RNF31: variants seen among roughly 807,000 people sequenced by gnomAD.
RNF31 encodes the protein E3 ubiquitin-protein ligase RNF31.
RNF31 carries 38 observed loss-of-function variants against 133.6 expected under a neutral mutation model. The observed-to-expected ratio is 0.28, with a 90% CI of 0.22 to 0.37. The LOEUF is 0.37. RNF31 is among the 10% of genes least tolerant of loss of function. The pLI is 1.00. For missense variants in RNF31, 1,118 were observed against 1,394.1 expected, an observed-to-expected ratio of 0.80 and a Z score of 3.15; for synonymous variants, 582 against 552.3, an observed-to-expected ratio of 1.05 and a Z score of -0.75.
chr14:24,150,762 G>A lies in RNF31; in HGVS notation c.1362G>A (p.Lys454=), dbSNP rs757633078. 6.2e-7 allele frequency: 1 copy of A among 1,612,208 alleles called. No homozygotes were observed. The highest frequency in any genetic ancestry group is 8.5e-7 in the Non-Finnish European group (1 of 1,179,304). ...APRPYASSLE[K]GPPKPGPPRR... ...GGCCCTATGCCAGCTCTTTGGAAAA[G>A]GGACCCCCCAAGCCTGGGCCCCCAC... The change falls in exon 8 of 21, where the codon AAG becomes AAA. Residue 454 remains lysine (K), a synonymous_variant. Coordinates refer to ENST00000324103, the MANE Select transcript of RNF31 (RefSeq NM_017999.5).
Position 24,151,430 on chromosome 14 carries a change from AC to A in RNF31, c.1737+52del. ...AGGGTCGAGAGTCTGCATCTCTCAC[AC>A]TCTCCCTTGCTTGCTTTCCCACTTC... On this transcript the variant is annotated intron_variant, in intron 9 of 20. Transcript: ENST00000324103. The surrounding 1 kb of genome is among the most constrained non-coding windows in gnomAD (Gnocchi z 5.3). 6.2e-7 allele frequency: 1 copy of A among 1,612,306 alleles called. No individual in the cohort carries two copies. The highest frequency in any genetic ancestry group is 8.5e-7 in the Non-Finnish European group (1 of 1,178,938).
rs2038326326 is a variant in RNF31 at position 24,155,373 on chromosome 14, C to T, written c.2305-41C>T. ...GGACTCAGGTACCCTGAGCTTTGAA[C>T]AGGGACCCTCCCACCCACCACCTCT... On this transcript the variant is annotated intron_variant, in intron 12 of 20. Coordinates refer to ENST00000324103, the MANE Select transcript of RNF31 (RefSeq NM_017999.5). This position sits in a 1 kb window ranked among gnomAD's most constrained non-coding sequence, Gnocchi z 4.9. 6.2e-7 allele frequency: 1 copy of T among 1,614,100 alleles called. No homozygotes were observed. The highest frequency in any genetic ancestry group is 1.3e-5 in the African/African-American group (1 of 75,050).
chr14:24,159,395 AG>A (rs2038406565), intron 18 of RNF31, among the ~76,000 whole-genome samples: 1 of 148,608 alleles, frequency 6.7e-6, no homozygotes, highest in Non-Finnish European at 1.5e-5. Flanking sequence ...AATAGCCAGG[AG>A]TGGTGGTGGC....
chr14:24,155,005 G>T lies in RNF31; in HGVS notation c.2131-152G>T. Reference sequence around the variant, plus strand: ...CCGACTGTCTTCAGATGTTTACGTTGCCTGCCTGGCCCCTGCTGGCACTTG... The same window carrying T: ...CCGACTGTCTTCAGATGTTTACGTTTCCTGCCTGGCCCCTGCTGGCACTTG... On this transcript the variant is annotated intron_variant, in intron 11 of 20. Coordinates refer to ENST00000324103, the MANE Select transcript of RNF31 (RefSeq NM_017999.5). The surrounding 1 kb of genome is among the most constrained non-coding windows in gnomAD (Gnocchi z 4.9). 1 of 675,326 alleles carries T rather than the reference G, an allele frequency of 1.5e-6. No homozygotes were observed. The highest frequency in any genetic ancestry group is 2.5e-6 in the Non-Finnish European group (1 of 400,110). The allele number at this position is 675,326 out of a possible 1,614,324, so 41.8% of individuals were successfully genotyped here. A position where few individuals can be genotyped will look rare whatever the true frequency, so the allele number is the denominator to read the frequency against.
chr14:24,153,977 C>T (rs2038305448), intron 11 of RNF31, among the ~76,000 whole-genome samples: 1 of 152,144 alleles, frequency 6.6e-6, no homozygotes, highest in Non-Finnish European at 1.5e-5. Flanking sequence ...GTCCTGTGTA[C>T]TTTTCACTAA....
intron 11 of RNF31, among the ~76,000 whole-genome samples, chr14:24,152,579 C>CAA (rs57489653): frequency 0.31 from 47,696 of 151,800 alleles, 7,813 homozygotes; most frequent in Admixed American, 0.44. Context: ...CCACCACACT[C>CAA]GGCTAATTTT....
chr14:24,149,772 T>G (rs2038235116), intron 6 of RNF31, among the ~76,000 whole-genome samples, 189 bp downstream of exon 6: 1 of 152,200 alleles, frequency 6.6e-6, no homozygotes, highest in African/African-American at 2.4e-5. Flanking sequence ...GTTGTTATGG[T>G]AATAGGTGGT....
Position 24,158,127 on chromosome 14 carries a change from G to A in RNF31, c.2842-15G>A. 6.2e-7 allele frequency: 1 copy of A among 1,614,232 alleles called. No individual in the cohort carries two copies. Among genetic ancestry groups the A allele is most frequent in the Non-Finnish European group, 8.5e-7 (1 of 1,180,014 alleles). On this transcript the variant is annotated splice_polypyrimidine_tract_variant and intron_variant, in intron 17 of 20. Coordinates refer to ENST00000324103, the MANE Select transcript of RNF31 (RefSeq NM_017999.5). ...ATCAAGGGGAATGTAACACCCATCT[G>A]TCTCTCCTCCTCAGGACAATAACGT...
chr14:24,151,623 G>A lies in RNF31; in HGVS notation c.1876G>A (p.Asp626Asn), dbSNP rs1439063440. ...AGAGCCCTTCCGCCAGCGCCTCTGG[G>A]ACAGTGGCCCTGAGCCCACCCCTTC... Reference protein sequence around the residue: ...RLEPFRQRLWDSGPEPTPSWD... With the variant: ...RLEPFRQRLWNSGPEPTPSWD... Residue 626 changes from aspartate (D) to asparagine (N), a missense_variant, in exon 10 of 21, where the codon GAC (aspartate) becomes AAC (asparagine). Physicochemically the swap from Asp to Asn is conservative, Grantham distance 23. This residue lies in a region of RNF31 where 747 missense variants were observed against 827.9 expected (regional missense o/e 0.90). Transcript: ENST00000324103. The surrounding 1 kb of genome is among the most constrained non-coding windows in gnomAD (Gnocchi z 5.3). 2.5e-6 allele frequency: 4 copies of A among 1,613,232 alleles called. No homozygotes were observed. Among genetic ancestry groups the A allele is most frequent in the Non-Finnish European group, 2.5e-6 (3 of 1,180,022 alleles).
At chr14:24,154,147 A>G (rs1594379503) in intron 11 of RNF31, among the ~76,000 whole-genome samples, 2 of 151,290 alleles carry the variant, frequency 1.3e-5, no homozygotes, top group Middle Eastern at 7.0e-3. Context: ...GGCATCTGCA[A>G]TCATGCCCGG....
At position 24,147,731 on chromosome 14, in the gene RNF31, G is replaced by C; in HGVS notation, c.33G>C (p.Leu11=). 1 of 1,550,746 alleles carries C rather than the reference G, an allele frequency of 6.4e-7. No individual in the cohort carries two copies. The highest frequency in any genetic ancestry group is 1.9e-5 in the Admixed American group (1 of 51,340). ...GGGAGGAAGAGGAGCGGGCCTTCCT[G>C]GTGGCCCGCGAGGAGCTGGCGAGCG... is the stretch of plus-strand genomic sequence containing the variant. MPGEEEERAF[L]VAREELASAL... Residue 11 remains leucine, a synonymous_variant, in exon 1 of 21, where the codon CTG becomes CTC. Coordinates refer to ENST00000324103, the MANE Select transcript of RNF31 (RefSeq NM_017999.5).
chr14:24,156,229 C>CCACGTGAAG (rs1236531015), intron 14 of RNF31, among the ~76,000 whole-genome samples: 6 of 152,150 alleles, frequency 3.9e-5, no homozygotes, highest in Non-Finnish European at 7.3e-5. Context: ...GCCCTGGAGG[C>CCACGTGAAG]CACGTGAAGC....
chr14:24,154,104 C>T (rs1366847401), intron 11 of RNF31, among the ~76,000 whole-genome samples: 1 of 152,130 alleles, frequency 6.6e-6, no homozygotes, highest in Non-Finnish European at 1.5e-5. Context: ...AAGCGATTCT[C>T]CTGTCCCAGC....
upstream of RNF31, chr14:24,147,172 G>A (rs547499816): frequency 8.6e-5 from 14 of 162,098 alleles, no homozygotes; most frequent in South Asian, 2.2e-3. Flanking sequence ...CGGTTCCCCT[G>A]CAGGGTGGGA....
rs377298249 is a variant in RNF31, at chr14:24,160,290, C to T, written c.3048C>T (p.Asp1016=). The T allele has an allele frequency of 1.5e-4, 239 of 1,614,156 alleles. 1 individual carries two copies. The Middle Eastern group carries it at 8.7e-3, about 59-fold the overall frequency. The change falls in exon 20 of 21, where the codon GAC becomes GAT. Residue 1016 remains aspartate (D), a synonymous_variant. Transcript: ENST00000324103. The surrounding 1 kb of genome is among the most constrained non-coding windows in gnomAD (Gnocchi z 4.0). ...GCCTCATCAATGCCCACTCGCTGGA[C>T]CCAGCCACCTTGTATGAGGTGGAAG... is the stretch of plus-strand genomic sequence containing the variant. ...LVSLINAHSL[D]PATLYEVEEL...
At chr14:24,157,222 AG>A in intron 14 of RNF31, 67 bp from the exon 15 acceptor site, 1 of 1,187,896 alleles carries the variant, frequency 8.4e-7, no homozygotes, top group Non-Finnish European at 1.2e-6. Context: ...ATGTGAGTGG[AG>A]GGGCCAGCAA....
rs2139075322 is a variant in RNF31 at position 24,148,283 on chromosome 14, A to G, written c.365A>G (p.Tyr122Cys). 2.5e-6 allele frequency: 4 copies of G among 1,614,164 alleles called. No individual in the cohort carries two copies. The highest frequency in any genetic ancestry group is 3.4e-6 in the Non-Finnish European group (4 of 1,180,028). ...VQGGRDVLRL[Y>C]GYTEEQPDGL... ...GGGGGCCGAGATGTGCTGCGATTAT[A>G]TGGCTACACAGAGGAGCAACCAGAT... Residue 122 changes from tyrosine (Y) to cysteine (C), a missense_variant, in exon 3 of 21, where the codon TAT becomes TGT. This residue lies in a region of RNF31 where 747 missense variants were observed against 827.9 expected (regional missense o/e 0.90). Transcript: ENST00000324103.
chr14:24,155,075 A>T lies in RNF31; in HGVS notation c.2131-82A>T. ...GTTGTTAATTAGACCCTGATTTCTT[A>T]GTGGACACCTGGCCACTGCCTCTTC... On this transcript the variant is annotated intron_variant, in intron 11 of 20. Coordinates refer to ENST00000324103, the MANE Select transcript of RNF31 (RefSeq NM_017999.5). This position sits in a 1 kb window ranked among gnomAD's most constrained non-coding sequence, Gnocchi z 4.9. 1 of 1,374,506 alleles carries T rather than the reference A, an allele frequency of 7.3e-7. No individual in the cohort carries two copies. Among genetic ancestry groups the T allele is most frequent in the Non-Finnish European group, 1.0e-6 (1 of 989,342 alleles). 85.1% of individuals were successfully genotyped at this position (1,374,506 alleles called of 1,614,324 possible).
At chr14:24,154,014 G>A (rs1156759835) in intron 11 of RNF31, among the ~76,000 whole-genome samples, 1 of 152,142 alleles carries the variant, frequency 6.6e-6, no homozygotes, top group Non-Finnish European at 1.5e-5. Flanking sequence ...ACATTTTTTT[G>A]AGACGGAGTC....
Sources: gnomAD v4.1 joint callset for allele counts (sites outside exome capture counted in the v4.1 genomes callset) on GRCh38, gnomAD v4.1.1 for gene constraint, gnomAD v4.1.1 regional missense constraint, Gnocchi (gnomAD v3.1) non-coding constraint, MANE v1.5 for transcripts, NCBI Gene and HGNC (gene_info 2026-07-23, HGNC 2026-07-21) for gene names.